EPS8L1: variants seen among roughly 807,000 people sequenced by gnomAD.
EPS8L1 encodes the protein EPS8 signaling adaptor L1, also known as epidermal growth factor receptor kinase substrate 8-like protein 1.
Under a neutral mutation model 91.7 loss-of-function variants are expected in EPS8L1, and 101 were observed. The ratio of observed to expected loss-of-function variants is 1.10; its 90% CI spans 0.94 to 1.30. EPS8L1 has a LOEUF of 1.30. Among genes scored for constraint, EPS8L1 ranks in the 50% most tolerant of loss-of-function variants. The pLI is 0.00. For missense variants in EPS8L1, 1,114 were observed against 1,017.0 expected, an observed-to-expected ratio of 1.10 and a Z score of -1.30; for synonymous variants, 506 against 445.3, an observed-to-expected ratio of 1.14 and a Z score of -1.72.
intron 14 of EPS8L1, among the ~76,000 whole-genome samples, chr19:55,085,402 T>G (rs1381280441): frequency 6.6e-6 from 1 of 152,186 alleles, no homozygotes; most frequent in Non-Finnish European, 1.5e-5. Flanking sequence ...CTTGACCTCA[T>G]GATCTGCCCG....
chr19:55,080,828 C>G lies in EPS8L1; in HGVS notation c.486C>G (p.Arg162=), dbSNP rs745502554. 19 of 1,611,080 alleles carry G rather than the reference C, an allele frequency of 1.2e-5. No homozygotes were observed. Among genetic ancestry groups the G allele is most frequent in the Non-Finnish European group, 1.6e-5 (19 of 1,178,616 alleles). The part of the protein sequence containing the change: ...QGALHNYRSG[R]GERRAAALRA... ...CTCTGCACAATTACCGCTCGGGCCG[C>G]GGGGAGCGCAGGGCGGCGGCGCTCA... The change falls in exon 7 of 20, where the codon CGC becomes CGG. Residue 162 remains arginine (R), a synonymous_variant. Transcript: ENST00000201647.
At chr19:55,080,378 GC>G in intron 6 of EPS8L1, 100 bp downstream of exon 6, 1 of 1,553,612 alleles carries the variant, frequency 6.4e-7, no homozygotes, top group Non-Finnish European at 8.7e-7. Context: ...GGGGCCTGGG[GC>G]TAAGGCGGGA....
In EPS8L1 at chr19:55,086,195, G is replaced by A. The variant is rs1212116188; in HGVS notation, c.1650+3G>A. 9.4e-6 allele frequency: 15 copies of A among 1,593,396 alleles called. No homozygotes were observed. Among genetic ancestry groups the A allele is most frequent in the Middle Eastern group, 1.7e-4 (1 of 5,734 alleles). On this transcript the variant is annotated splice_donor_region_variant and intron_variant, in intron 16 of 19. Coordinates refer to ENST00000201647, the MANE Select transcript of EPS8L1 (RefSeq NM_133180.3). ...GCCAAAGCCCTGCCCGCAGCCTGGT[G>A]AGCCAGCGCAGACGCTGGGATCTTG...
Position 55,083,411 on chromosome 19 carries a change from C to T in EPS8L1, c.1248C>T (p.Tyr416=). The change falls in exon 13 of 20, where the codon TAC becomes TAT. Residue 416 remains tyrosine (Y), a synonymous_variant. Coordinates refer to ENST00000201647, the MANE Select transcript of EPS8L1 (RefSeq NM_133180.3). The surrounding 1 kb of genome is among the most constrained non-coding windows in gnomAD (Gnocchi z 4.7). ...TGTCCCCGGAGGAGGGACCCCCATACAGACCCGAGTTCTTCAGCGGCTGGG... is the reference window on the plus strand; with the variant it reads ...TGTCCCCGGAGGAGGGACCCCCATATAGACCCGAGTTCTTCAGCGGCTGGG... ...LELSPEEGPP[Y]RPEFFSGWEP... is the part of the protein sequence containing the mutation. 1 of 1,613,118 alleles carries T rather than the reference C, an allele frequency of 6.2e-7. No individual in the cohort carries two copies.
In EPS8L1 at chr19:55,082,264, C is replaced by G. The variant is rs1431849910; in HGVS notation, c.991-11C>G. 6.2e-6 allele frequency: 10 copies of G among 1,610,274 alleles called. No individual in the cohort carries two copies. Among genetic ancestry groups the G allele is most frequent in the Non-Finnish European group, 8.5e-6 (10 of 1,178,708 alleles). ...GCACCCACGCCAACCACCTCCCTCCCCACGCCCCAGGCCCGGCTGCGCGGC... is the reference window on the plus strand; with the variant it reads ...GCACCCACGCCAACCACCTCCCTCCGCACGCCCCAGGCCCGGCTGCGCGGC... On this transcript the variant is annotated splice_polypyrimidine_tract_variant and intron_variant, in intron 10 of 19. Coordinates refer to ENST00000201647, the MANE Select transcript of EPS8L1 (RefSeq NM_133180.3).
At chr19:55,079,137 TA>T in intron 4 of EPS8L1, 80 bp downstream of exon 4, 15 of 1,441,354 alleles carry the variant, frequency 1.0e-5, no homozygotes, top group Non-Finnish European at 1.5e-5. Context: ...TGAAAGCAGC[TA>T]GGCCCCCAAG....
rs981593325 is a variant in EPS8L1, at chr19:55,081,640, G to C, written c.775-133G>C. ...AGGGGCTGGGTCGGGGGCGGGGCTT[G>C]GTTGTGGGGCGTGGCCAGGTGTTTG... On this transcript the variant is annotated intron_variant, in intron 8 of 19. Coordinates refer to ENST00000201647, the MANE Select transcript of EPS8L1 (RefSeq NM_133180.3). This position sits in a 1 kb window ranked among gnomAD's most constrained non-coding sequence, Gnocchi z 4.9. 3 of 1,446,180 alleles carry C rather than the reference G, an allele frequency of 2.1e-6. No individual in the cohort carries two copies. The highest frequency in any genetic ancestry group is 2.8e-6 in the Non-Finnish European group (3 of 1,087,598). The allele number at this position is 1,446,180 out of a possible 1,614,324, so 89.6% of individuals were successfully genotyped here.
Position 55,082,336 on chromosome 19 carries a change from G to T in EPS8L1, c.1052G>T (p.Gly351Val). Reference protein sequence around the residue: ...SSPELLHFLFGPLQMIVNTSG... With the variant: ...SSPELLHFLFVPLQMIVNTSG... ...CCGGAGCTGTTGCACTTCCTTTTCG[G>T]GCCTCTGCAGATGGTGAGACCCGCC... is the stretch of plus-strand genomic sequence containing the variant. The change falls in exon 11 of 20, where the codon GGG becomes GTG. Residue 351 changes from glycine (G) to valine (V), a missense_variant. Transcript: ENST00000201647. The T allele has an allele frequency of 6.2e-7, 1 of 1,612,606 alleles. No homozygotes were observed. Among genetic ancestry groups the T allele is most frequent in the Admixed American group, 1.7e-5 (1 of 59,994 alleles).
In EPS8L1 at chr19:55,083,511, C is replaced by T; in HGVS notation, c.1348C>T (p.Arg450Cys). Reference protein sequence around the residue: ...VEKQLQHERRRRQQSAPQVAV... With the variant: ...VEKQLQHERRCRQQSAPQVAV... ...GAAACAGCTACAGCACGAGCGGAGG[C>T]GCCGGCAGGTGACCCAAGCGACACA... Residue 450 changes from arginine (R) to cysteine (C), a missense_variant, in exon 13 of 20, where the codon CGC becomes TGC. Arg to Cys is a radical substitution (Grantham distance 180). Transcript: ENST00000201647. This position sits in a 1 kb window ranked among gnomAD's most constrained non-coding sequence, Gnocchi z 4.7. The T allele has an allele frequency of 6.2e-7, 1 of 1,610,100 alleles. No homozygotes were observed. Among genetic ancestry groups the T allele is most frequent in the Non-Finnish European group, 8.5e-7 (1 of 1,178,606 alleles).
At chr19:55,078,190 C>T in intron 3 of EPS8L1, 62 bp downstream of exon 3, 2 of 1,529,098 alleles carry the variant, frequency 1.3e-6, no homozygotes, top group Non-Finnish European at 1.8e-6. Flanking sequence ...CAGGACCTGG[C>T]ATCCAGGGTC....
At position 55,080,760 on chromosome 19, in the gene EPS8L1, T is replaced by C. The variant is rs1419749518; in HGVS notation, c.430-12T>C. ...GGCGTGGGGAGGCGTGGCCTGACGGTGTGATTGGCAGGCGGAGCTGATCCG... is the reference window on the plus strand; with the variant it reads ...GGCGTGGGGAGGCGTGGCCTGACGGCGTGATTGGCAGGCGGAGCTGATCCG... On this transcript the variant is annotated splice_polypyrimidine_tract_variant and intron_variant, in intron 6 of 19. Transcript: ENST00000201647. The C allele has an allele frequency of 1.2e-6, 2 of 1,610,714 alleles. No individual in the cohort carries two copies. The highest frequency in any genetic ancestry group is 1.7e-6 in the Non-Finnish European group (2 of 1,178,638).
chr19:55,077,716 G>A (rs529784461), intron 2 of EPS8L1, among the ~76,000 whole-genome samples: 7 of 146,104 alleles, frequency 4.8e-5, no homozygotes, highest in East Asian at 4.2e-4. Context: ...AGCCTCCCAC[G>A]TAGCTGGCAC....
intron 7 of EPS8L1, 119 bp downstream of exon 7, chr19:55,080,973 T>A (rs2076245739): frequency 3.0e-6 from 3 of 1,011,182 alleles, no homozygotes; most frequent in Non-Finnish European, 4.3e-6. Context: ...CACACCCTAG[T>A]CGAGTCTTGT....
At position 55,082,528 on chromosome 19, in the gene EPS8L1, G is replaced by A. The variant is rs766714292; in HGVS notation, c.1140G>A (p.Ala380=). ...CGCATCTGACATCGGATGCCGTGGC[G>A]CTGCTGCGGGACAACGTCACTCCAC... ...RRPHLTSDAV[A]LLRDNVTPRE... The change falls in exon 12 of 20, where the codon GCG becomes GCA. Residue 380 remains alanine (A), a synonymous_variant. Transcript: ENST00000201647. 1.9e-6 allele frequency: 3 copies of A among 1,611,006 alleles called. No homozygotes were observed. The highest frequency in any genetic ancestry group is 1.7e-5 in the Admixed American group (1 of 59,768).
chr19:55,076,320 G>A, intron 1 of EPS8L1, 88 bp from the exon 2 acceptor site: 1 of 1,213,234 alleles, frequency 8.2e-7, no homozygotes, highest in Non-Finnish European at 1.2e-6. Flanking sequence ...GAGGGGCTGG[G>A]GCCTGGATGC....
Position 55,080,263 on chromosome 19 carries a change from G to A in EPS8L1, c.414G>A (p.Gln138=). 6.5e-7 allele frequency: 1 copy of A among 1,534,702 alleles called. No individual in the cohort carries two copies. Among genetic ancestry groups the A allele is most frequent in the Non-Finnish European group, 8.8e-7 (1 of 1,135,990 alleles). The change falls in exon 6 of 20, where the codon CAG becomes CAA. Residue 138 remains glutamine, a synonymous_variant. Coordinates refer to ENST00000201647, the MANE Select transcript of EPS8L1 (RefSeq NM_133180.3). ...CGCAGCCCGACGTGCACTTCTTCCA[G>A]GGCCTGCGCCTCGGGGTGAGCAGAT... is the stretch of plus-strand genomic sequence containing the variant. The part of the protein sequence containing the change: ...ERAQPDVHFF[Q]GLRLGAELIR...
rs768734298 is a variant in EPS8L1 at position 55,082,438 on chromosome 19, C to A, written c.1066-16C>A. ...AGGTGTGGCGGCACAGCCTGCCCCT[C>A]CTGCTCCCCTGACAGATTGTGAACA... On this transcript the variant is annotated splice_polypyrimidine_tract_variant and intron_variant, in intron 11 of 19. Transcript: ENST00000201647. 6.2e-7 allele frequency: 1 copy of A among 1,611,330 alleles called. No homozygotes were observed. The highest frequency in any genetic ancestry group is 1.1e-5 in the South Asian group (1 of 90,970).
At position 55,081,711 on chromosome 19, in the gene EPS8L1, G is replaced by A; in HGVS notation, c.775-62G>A. Reference sequence around the variant, plus strand: ...AAGTGTATAGGTGCTCAGGTTCAGGGCTTCGACGGGGATGGTTTTGGAACT... The same window carrying A: ...AAGTGTATAGGTGCTCAGGTTCAGGACTTCGACGGGGATGGTTTTGGAACT... On this transcript the variant is annotated intron_variant, in intron 8 of 19. Coordinates refer to ENST00000201647, the MANE Select transcript of EPS8L1 (RefSeq NM_133180.3). This position sits in a 1 kb window ranked among gnomAD's most constrained non-coding sequence, Gnocchi z 4.9. 2 of 1,553,976 alleles carry A rather than the reference G, an allele frequency of 1.3e-6. No homozygotes were observed. Among genetic ancestry groups the A allele is most frequent in the Non-Finnish European group, 1.7e-6 (2 of 1,148,136 alleles).
chr19:55,085,127 CG>C (rs2076341550), intron 14 of EPS8L1, among the ~76,000 whole-genome samples: 1 of 152,154 alleles, frequency 6.6e-6, no homozygotes, highest in African/African-American at 2.4e-5. Flanking sequence ...AACTAATATA[CG>C]TAACAGAACA....
Sources: allele counts gnomAD v4.1 joint callset (sites outside exome capture counted in the v4.1 genomes callset), GRCh38; gene constraint gnomAD v4.1.1; non-coding constraint Gnocchi (gnomAD v3.1); transcripts MANE v1.5; gene names NCBI Gene and HGNC (gene_info 2026-07-23, HGNC 2026-07-21).